Variants in SCFD2 observed in about 807,000 individuals in gnomAD.
SCFD2 encodes sec1 family domain-containing protein 2.
In SCFD2, 54 loss-of-function variants were observed where a neutral mutation model predicts 58.9. The ratio of observed to expected loss-of-function variants is 0.92; its 90% CI spans 0.74 to 1.15. The LOEUF (loss-of-function observed/expected upper bound fraction) is 1.15. Ranked by LOEUF, SCFD2 falls within the 50% of genes most tolerant of loss-of-function variation. SCFD2 has a pLI of 0.00. For synonymous variants in SCFD2, 321 were observed against 335.9 expected (o/e 0.96, Z 0.49); for missense variants, 805 against 836.6 (o/e 0.96, Z 0.47).
intron 2 of SCFD2, among the ~76,000 whole-genome samples, chr4:53,321,254 G>T (rs1733013172): frequency 6.6e-6 from 1 of 152,092 alleles, no homozygotes; most frequent in Non-Finnish European, 1.5e-5. Context: ...AACTCTGAAT[G>T]AAATCTTAGA....
chr4:53,003,077 C>T (rs1283350897), intron 5 of SCFD2, among the ~76,000 whole-genome samples: 1 of 152,200 alleles, frequency 6.6e-6, no homozygotes. Flanking sequence ...ATGATCCAGT[C>T]CCCTCCCATT....
intron 1 of SCFD2, among the ~76,000 whole-genome samples, chr4:53,357,831 C>A (rs1734443747): frequency 6.6e-6 from 1 of 152,160 alleles, no homozygotes; most frequent in African/African-American, 2.4e-5. Flanking sequence ...ATATAATGAT[C>A]ATCTCTACTG....
chr4:53,278,400 G>A (rs570337397), intron 3 of SCFD2, among the ~76,000 whole-genome samples: 43 of 151,632 alleles, frequency 2.8e-4, no homozygotes, highest in South Asian at 8.4e-4. Context: ...AAATTAGCTG[G>A]GCATGGTAGT....
chr4:52,880,464 A>G (rs1718582167), intron 8 of SCFD2, among the ~76,000 whole-genome samples: 1 of 151,688 alleles, frequency 6.6e-6, no homozygotes, highest in Non-Finnish European at 1.5e-5. Context: ...AAAAATACAA[A>G]AAATTAACCA....
chr4:53,229,326 C>T (rs1018811381), intron 4 of SCFD2, among the ~76,000 whole-genome samples: 6 of 152,050 alleles, frequency 3.9e-5, no homozygotes, highest in Admixed American at 6.6e-5. Context: ...AATCCTAAGC[C>T]GAAAGAACAA....
At chr4:53,109,276 AACTGGAAGC>A (rs1180349301) in intron 5 of SCFD2, among the ~76,000 whole-genome samples, 4 of 152,204 alleles carry the variant, frequency 2.6e-5, no homozygotes, top group Non-Finnish European at 5.9e-5. Flanking sequence ...AATGGGCAAA[AACTGGAAGC>A]ATTCCCTTTG....
At chr4:53,283,087 G>T (rs912058576) in intron 3 of SCFD2, among the ~76,000 whole-genome samples, 1 of 152,118 alleles carries the variant, frequency 6.6e-6, no homozygotes, top group African/African-American at 2.4e-5. Context: ...TAATTTTTAC[G>T]TATGTATATA....
At chr4:53,356,199 C>G (rs1423167543) in intron 1 of SCFD2, among the ~76,000 whole-genome samples, 1 of 152,178 alleles carries the variant, frequency 6.6e-6, no homozygotes, top group East Asian at 1.9e-4. Context: ...TGAGTCTCTT[C>G]ATGACATGGT....
intron 5 of SCFD2, among the ~76,000 whole-genome samples, chr4:53,123,568 G>A (rs1011446460): frequency 1.3e-5 from 2 of 151,950 alleles, no homozygotes; most frequent in African/African-American, 4.8e-5. Flanking sequence ...CTAGCAAGGT[G>A]CCAGTTGTGT....
intron 2 of SCFD2, among the ~76,000 whole-genome samples, chr4:53,316,727 A>G (rs904798515): frequency 8.5e-5 from 13 of 152,166 alleles, no homozygotes; most frequent in African/African-American, 3.1e-4. Context: ...TTGTCTATTA[A>G]AATATTTTAG....
chr4:53,094,930 C>A (rs1423418597), intron 5 of SCFD2, among the ~76,000 whole-genome samples: 2 of 152,114 alleles, frequency 1.3e-5, no homozygotes, highest in Non-Finnish European at 2.9e-5. Context: ...TCACAAAATA[C>A]AATGGTCAAA....
chr4:53,186,238 T>G (rs1203308792), intron 4 of SCFD2, among the ~76,000 whole-genome samples: 1 of 152,090 alleles, frequency 6.6e-6, no homozygotes, highest in Non-Finnish European at 1.5e-5. Flanking sequence ...TCACAAATCC[T>G]TCCTTAATTA....
intron 5 of SCFD2, among the ~76,000 whole-genome samples, chr4:52,947,966 GCC>G (rs1720480937): frequency 1.5e-5 from 1 of 65,188 alleles, no homozygotes; most frequent in African/African-American, 6.2e-5. Flanking sequence ...AGAAAAATAG[GCC>G]AAAAAAAAAA....
chr4:52,965,078 G>A (rs908212333), intron 5 of SCFD2, among the ~76,000 whole-genome samples: 22 of 152,152 alleles, frequency 1.4e-4, no homozygotes, highest in African/African-American at 4.1e-4. Flanking sequence ...CACTCAGACA[G>A]CATGTATTGA....
intron 5 of SCFD2, among the ~76,000 whole-genome samples, chr4:53,129,557 A>G (rs1483319781): frequency 2.0e-5 from 3 of 152,160 alleles, no homozygotes; most frequent in Non-Finnish European, 4.4e-5. Context: ...AGCCTGTTGC[A>G]TCTCTTTCAA....
At chr4:52,914,874 TAGCTTGGTAG>T (rs1719566843) in intron 6 of SCFD2, among the ~76,000 whole-genome samples, 1 of 152,166 alleles carries the variant, frequency 6.6e-6, no homozygotes, top group African/African-American at 2.4e-5. Context: ...GCTGGCCTGA[TAGCTTGGTAG>T]AGCTTAAAGA....
At chr4:53,288,788 C>A (rs1055305843) in intron 3 of SCFD2, among the ~76,000 whole-genome samples, 2 of 152,142 alleles carry the variant, frequency 1.3e-5, no homozygotes, top group African/African-American at 4.8e-5. Context: ...AGGATAATTA[C>A]TCTCATAAAA....
intron 4 of SCFD2, among the ~76,000 whole-genome samples, chr4:53,253,940 C>T (rs1730499533): frequency 6.7e-6 from 1 of 149,600 alleles, no homozygotes; most frequent in Non-Finnish European, 1.5e-5. Context: ...ATGTCCTTTG[C>T]AGGAACATGG....
chr4:53,201,373 C>T (rs570295729), intron 4 of SCFD2, among the ~76,000 whole-genome samples: 2 of 152,110 alleles, frequency 1.3e-5, no homozygotes, highest in Non-Finnish European at 2.9e-5. Context: ...TTTATGGCTC[C>T]ATAGTATTCC....
Sources: gnomAD v4.1 joint callset for allele counts (sites outside exome capture counted in the v4.1 genomes callset) on GRCh38, gnomAD v4.1.1 for gene constraint, MANE v1.5 for transcripts, NCBI Gene and HGNC (gene_info 2026-07-23, HGNC 2026-07-21) for gene names.